DNAH10: variants seen among roughly 807,000 people sequenced by gnomAD.
DNAH10 encodes the protein axonemal beta dynein heavy chain 10.
DNAH10 carries 348 observed loss-of-function variants against 506.6 expected under a neutral mutation model. That is an observed-to-expected ratio of 0.69 (90% confidence interval 0.63 to 0.75). The LOEUF (loss-of-function observed/expected upper bound fraction) is 0.75, where lower values mean the gene tolerates loss of function less well. DNAH10 is among the 30% of genes least tolerant of loss of function. The pLI, the probability that DNAH10 is intolerant of heterozygous loss-of-function variation, is 0.00. For missense variants in DNAH10, 5,179 were observed against 5,787.1 expected (o/e 0.89, Z 3.41); for synonymous variants, 2,059 against 2,198.6 (o/e 0.94, Z 1.78).
chr12:123,771,112 G>A (rs1463493988), intron 2 of DNAH10, among the ~76,000 whole-genome samples: 1 of 151,518 alleles, frequency 6.6e-6, no homozygotes, highest in Non-Finnish European at 1.5e-5. Flanking sequence ...TGCGATTACA[G>A]GCATGCATCA....
At position 123,840,406 on chromosome 12, in the gene DNAH10, T is replaced by G. The variant is rs578185045; in HGVS notation, c.5137-916T>G. Among the ~76,000 whole-genome samples, 26 of 138,826 alleles carry G rather than the reference T, an allele frequency of 1.9e-4. No homozygotes were observed. The East Asian group carries it at 5.4e-3, about 29-fold the overall frequency. The allele number at this position is 138,826 out of a possible 152,430, so 91.1% of individuals were successfully genotyped here. On this transcript the variant is annotated intron_variant, in intron 29 of 78. Transcript: ENST00000673944. ...TATTCTGTTTCCAGTTTTTTTTTTT[T>G]TTTTTTTTTTTTTTTTCAGACAGGG...
At chr12:123,795,756 G>T (rs1958252817) in intron 12 of DNAH10, among the ~76,000 whole-genome samples, 1 of 152,162 alleles carries the variant, frequency 6.6e-6, no homozygotes, top group East Asian at 1.9e-4. Flanking sequence ...CATTGTGCCT[G>T]CCACACCTAA....
At position 123,918,735 on chromosome 12, in the gene DNAH10, T is replaced by C; in HGVS notation, c.11292T>C (p.Asp3764=). 1 of 1,599,670 alleles carries C rather than the reference T, an allele frequency of 6.3e-7. No homozygotes were observed. Among genetic ancestry groups the C allele is most frequent in the East Asian group, 2.2e-5 (1 of 44,554 alleles). ...KTALDIDRLR[D]GYRPAARRGA... Reference sequence around the variant, plus strand: ...CCTTGGACATCGACAGGCTGCGGGATGGCTACCGGCCAGCAGCCAGGAGGG... The same window carrying C: ...CCTTGGACATCGACAGGCTGCGGGACGGCTACCGGCCAGCAGCCAGGAGGG... Residue 3764 remains aspartate, a synonymous_variant, in exon 65 of 79, where the codon GAT becomes GAC. Transcript: ENST00000673944.
In DNAH10 at chr12:123,785,655, G is replaced by T; in HGVS notation, c.1231-91G>T. On this transcript the variant is annotated intron_variant, in intron 8 of 78. Coordinates refer to ENST00000673944, the MANE Select transcript of DNAH10 (RefSeq NM_001372106.1). This position sits in a 1 kb window ranked among gnomAD's most constrained non-coding sequence, Gnocchi z 4.1. ...CTCAAGGAAAAAAAAAAAAAAAAAA[G>T]AGTGAAACTTCTTGCATGCTTACTG... is the stretch of plus-strand genomic sequence containing the variant. 3.5e-4 allele frequency: 286 copies of T among 805,636 alleles called. No individual in the cohort carries two copies. The highest frequency in any genetic ancestry group is 4.5e-4 in the Non-Finnish European group (258 of 569,864). 49.9% of individuals were successfully genotyped at this position (805,636 alleles called of 1,614,324 possible).
rs1033212961 is a variant in DNAH10 at position 123,785,390 on chromosome 12, G to A, written c.1231-356G>A. 3.3e-5 allele frequency among the ~76,000 whole-genome samples: 5 copies of A among 151,972 alleles called. No individual in the cohort carries two copies. Among genetic ancestry groups the A allele is most frequent in the African/African-American group, 4.8e-5 (2 of 41,362 alleles). On this transcript the variant is annotated intron_variant, in intron 8 of 78. Coordinates refer to ENST00000673944, the MANE Select transcript of DNAH10 (RefSeq NM_001372106.1). This position sits in a 1 kb window ranked among gnomAD's most constrained non-coding sequence, Gnocchi z 4.1. ...AAATGTCTGTTTTAATCTTTTGCCC[G>A]TTATTTATTTGAGTTATTATTATAA... is the stretch of plus-strand genomic sequence containing the variant.
chr12:123,910,282 G>A (rs977845188), intron 58 of DNAH10, among the ~76,000 whole-genome samples: 2 of 152,154 alleles, frequency 1.3e-5, no homozygotes, highest in Non-Finnish European at 2.9e-5. Flanking sequence ...GGGAGTCTCC[G>A]TTACGCCCTG....
chr12:123,893,545 G>A (rs563692488), intron 53 of DNAH10, 109 bp downstream of exon 53: 10 of 1,267,416 alleles, frequency 7.9e-6, no homozygotes, highest in Admixed American at 5.7e-5. Context: ...AACAAGACAC[G>A]GCCATTAGGT....
At position 123,848,064 on chromosome 12, in the gene DNAH10, T is replaced by A; in HGVS notation, c.5918T>A (p.Val1973Asp). Reference sequence around the variant, plus strand: ...AAAGCCTTGGGCTTGCTCTGTGTTGTCACCAACTGTGGCGAAGGCATGGAT... The same window carrying A: ...AAAGCCTTGGGCTTGCTCTGTGTTGACACCAACTGTGGCGAAGGCATGGAT... ...LAKALGLLCVVTNCGEGMDYR... is the reference protein window; with the variant it reads ...LAKALGLLCVDTNCGEGMDYR... The change falls in exon 33 of 79, where the codon GTC becomes GAC. Residue 1973 changes from valine to aspartate, a missense_variant. Physicochemically the swap from Val to Asp is radical, Grantham distance 152. Coordinates refer to ENST00000673944, the MANE Select transcript of DNAH10 (RefSeq NM_001372106.1). 6.2e-7 allele frequency: 1 copy of A among 1,613,906 alleles called. No homozygotes were observed. Among genetic ancestry groups the A allele is most frequent in the Non-Finnish European group, 8.5e-7 (1 of 1,179,812 alleles).
Position 123,929,674 on chromosome 12 carries a change from A to G in DNAH10, c.12527A>G (p.Glu4176Gly), listed in dbSNP as rs1230125476. The G allele has an allele frequency of 6.2e-7, 1 of 1,613,208 alleles. No homozygotes were observed. The highest frequency in any genetic ancestry group is 1.3e-5 in the African/African-American group (1 of 74,914). The change falls in exon 72 of 79, where the codon GAA (glutamate) becomes GGA (glycine). Residue 4176 changes from glutamate to glycine, a missense_variant. Glu to Gly is a moderately conservative substitution (Grantham distance 98, BLOSUM62 -2). Coordinates refer to ENST00000673944, the MANE Select transcript of DNAH10 (RefSeq NM_001372106.1). ...TTCTCTTCTTTCAAGGTCTGCATGG[A>G]AATTCTGAACACGTACTTAACGAAA... is the stretch of plus-strand genomic sequence containing the variant. ...FNESDFQVCM[E>G]ILNTYLTKAF... is the part of the protein sequence containing the mutation.
rs1427191168 is a variant in DNAH10, at chr12:123,893,240, A to G, written c.9003A>G (p.Val3001=). The G allele has an allele frequency of 6.2e-7, 1 of 1,613,960 alleles. No homozygotes were observed. Among genetic ancestry groups the G allele is most frequent in the Non-Finnish European group, 8.5e-7 (1 of 1,179,870 alleles). Residue 3001 remains valine (V), a synonymous_variant, in exon 53 of 79, where the codon GTA becomes GTG. Transcript: ENST00000673944. ...CATGTCTTCCTTTTCCAGGAATTGT[A>G]CCTGCGCTTTTTTCTGAAGAGGAGA... is the stretch of plus-strand genomic sequence containing the variant. ...LINNMLTSGI[V]PALFSEEEKE... is the part of the protein sequence containing the mutation.
intron 70 of DNAH10, 182 bp from the exon 71 acceptor site, chr12:123,929,093 G>A: frequency 3.1e-6 from 2 of 641,708 alleles, no homozygotes; most frequent in East Asian, 2.7e-5. Flanking sequence ...GACCCTGAGA[G>A]CCAGAACATC....
At chr12:123,817,119 TTG>T (rs1208222121) in intron 21 of DNAH10, among the ~76,000 whole-genome samples, 1 of 150,942 alleles carries the variant, frequency 6.6e-6, no homozygotes, top group South Asian at 2.1e-4. Flanking sequence ...TTTTTTTTTT[TTG>T]GTCTGCTTTT....
In DNAH10 at chr12:123,853,286, C is replaced by A; in HGVS notation, c.6372C>A (p.Leu2124=). Residue 2124 remains leucine (L), a synonymous_variant, in exon 36 of 79, where the codon CTC becomes CTA. Coordinates refer to ENST00000673944, the MANE Select transcript of DNAH10 (RefSeq NM_001372106.1). This position sits in a 1 kb window ranked among gnomAD's most constrained non-coding sequence, Gnocchi z 4.7. ...LSKQYHYDFG[L]RALKSVLVMA... is the part of the protein sequence containing the mutation. ...AGCAGTATCACTATGATTTTGGACTCAGAGCCCTGAAATCGGTGCTGGTCA... is the reference window on the plus strand; with the variant it reads ...AGCAGTATCACTATGATTTTGGACTAAGAGCCCTGAAATCGGTGCTGGTCA... 2.5e-6 allele frequency: 4 copies of A among 1,611,704 alleles called. No homozygotes were observed. Among genetic ancestry groups the A allele is most frequent in the Non-Finnish European group, 3.4e-6 (4 of 1,178,978 alleles).
At chr12:123,899,318 T>A (rs1185710892) in intron 56 of DNAH10, among the ~76,000 whole-genome samples, 1 of 152,190 alleles carries the variant, frequency 6.6e-6, no homozygotes, top group Admixed American at 6.5e-5. Flanking sequence ...GGACGGCTCC[T>A]GCAGCCCACA....
chr12:123,802,236 T>C (rs1958504764), intron 16 of DNAH10, among the ~76,000 whole-genome samples: 2 of 152,326 alleles, frequency 1.3e-5, no homozygotes, highest in Non-Finnish European at 2.9e-5. Context: ...GAGTCTTCAC[T>C]TTTTCTGGGA....
chr12:123,806,124 T>G (rs1056187502), intron 18 of DNAH10, among the ~76,000 whole-genome samples: 44 of 152,208 alleles, frequency 2.9e-4, no homozygotes, highest in African/African-American at 1.0e-3. Context: ...ATTTTCTTGT[T>G]TGGTTTTTAA....
In DNAH10 at chr12:123,856,398, G is replaced by A. The variant is rs185077712; in HGVS notation, c.6439-658G>A. Among the ~76,000 whole-genome samples the A allele has an allele frequency of 9.7e-3, 1,457 of 150,488 alleles. 19 individuals are homozygous for A. The highest frequency in any genetic ancestry group is 0.033 in the African/African-American group (1,371 of 41,216). ...CTTGTCACGCCAGGAGTACGATGGC[G>A]CAATCTCAGTTCACTGCAACCTCCA... On this transcript the variant is annotated intron_variant, in intron 36 of 78. Coordinates refer to ENST00000673944, the MANE Select transcript of DNAH10 (RefSeq NM_001372106.1).
intron 42 of DNAH10, 110 bp downstream of exon 42, chr12:123,867,711 T>G: frequency 6.6e-7 from 1 of 1,507,680 alleles, no homozygotes. Flanking sequence ...AGTAGCATTG[T>G]TGGTCAGTGC....
At chr12:123,801,093 T>A (rs547563187) in intron 15 of DNAH10, among the ~76,000 whole-genome samples, 188 bp from the exon 16 acceptor site, 1 of 152,322 alleles carries the variant, frequency 6.6e-6, no homozygotes, top group Admixed American at 6.5e-5. Flanking sequence ...ACATCTTTAA[T>A]GAGAAGTAAC....
Sources: allele counts gnomAD v4.1 joint callset (sites outside exome capture counted in the v4.1 genomes callset), GRCh38; gene constraint gnomAD v4.1.1; non-coding constraint Gnocchi (gnomAD v3.1); transcripts MANE v1.5; gene names NCBI Gene and HGNC (gene_info 2026-07-23, HGNC 2026-07-21).